CDC14A: variants seen among roughly 807,000 people sequenced by gnomAD.
CDC14A encodes the protein cell division cycle 14A, also known as dual specificity protein phosphatase CDC14A.
A neutral mutation model predicts 74.4 loss-of-function variants in CDC14A; 53 were observed. The observed-to-expected ratio is 0.71, with a 90% CI of 0.57 to 0.89. The LOEUF (loss-of-function observed/expected upper bound fraction) is 0.89. Ranked by LOEUF, CDC14A falls within the 40% of genes least tolerant of loss-of-function variation. The pLI, the probability that CDC14A is intolerant of heterozygous loss-of-function variation, is 0.00. For synonymous variants in CDC14A, 247 were observed against 258.4 expected, an observed-to-expected ratio of 0.96 and a Z score of 0.43; for missense variants, 646 against 713.7, an observed-to-expected ratio of 0.91 and a Z score of 1.08.
At position 100,413,339 on chromosome 1, in the gene CDC14A, T is replaced by A. The variant is rs188502015; in HGVS notation, c.310-10883T>A. Among the ~76,000 whole-genome samples the A allele has an allele frequency of 6.6e-5, 10 of 152,356 alleles. No homozygotes were observed. The East Asian group carries it at 1.7e-3, about 26-fold the overall frequency. The stretch of plus-strand genomic sequence containing the variant: ...CAAAGAACAGTAGCTTACAAGTTAC[T>A]ATGATTCTAGACCTGAGATTTAGTT... On this transcript the variant is annotated intron_variant, in intron 4 of 15. Coordinates refer to ENST00000336454, the MANE Select transcript of CDC14A (RefSeq NM_003672.4).
At chr1:100,476,098 T>C (rs1300783741) in intron 10 of CDC14A, among the ~76,000 whole-genome samples, 1 of 152,196 alleles carries the variant, frequency 6.6e-6, no homozygotes, top group East Asian at 1.9e-4. Flanking sequence ...TGTTGTCTAC[T>C]AGGATACCCT....
At chr1:100,502,034 A>ATCCTTT (rs1557835393) in intron 15 of CDC14A, among the ~76,000 whole-genome samples, 2 of 152,238 alleles carry the variant, frequency 1.3e-5, no homozygotes, top group Non-Finnish European at 2.9e-5. Context: ...ATAGTAAACT[A>ATCCTTT]AGTATTATTA....
chr1:100,435,731 A>C (rs1003693703), intron 5 of CDC14A, among the ~76,000 whole-genome samples: 1 of 144,474 alleles, frequency 6.9e-6, no homozygotes, highest in Admixed American at 7.0e-5. Context: ...CGGGAGGGTG[A>C]GGCAATCGCT....
At chr1:100,371,382 A>T (rs1432812635) in intron 2 of CDC14A, among the ~76,000 whole-genome samples, 1 of 152,180 alleles carries the variant, frequency 6.6e-6, no homozygotes, top group African/African-American at 2.4e-5. Flanking sequence ...TTCAACTCCT[A>T]AAGGGAATGC....
chr1:100,505,873 G>T (rs553516889), intron 15 of CDC14A, among the ~76,000 whole-genome samples: 1 of 152,140 alleles, frequency 6.6e-6, no homozygotes, highest in Non-Finnish European at 1.5e-5. Context: ...TTGGCTTTGC[G>T]TGAGTCCTCA....
At chr1:100,370,332 G>T (rs1654296416) in intron 2 of CDC14A, among the ~76,000 whole-genome samples, 2 of 151,066 alleles carry the variant, frequency 1.3e-5, no homozygotes, top group South Asian at 4.2e-4. Context: ...TTGTTGCTCA[G>T]GCTAGTCTCA....
chr1:100,372,133 A>G (rs1654564324), intron 2 of CDC14A, among the ~76,000 whole-genome samples: 1 of 152,236 alleles, frequency 6.6e-6, no homozygotes, highest in African/African-American at 2.4e-5. Context: ...TACCTTAACT[A>G]AAAATACTTT....
chr1:100,420,320 G>A (rs1055630216), intron 4 of CDC14A, among the ~76,000 whole-genome samples: 1 of 151,280 alleles, frequency 6.6e-6, no homozygotes, highest in Non-Finnish European at 1.5e-5. Flanking sequence ...TGAATTATCT[G>A]AGTAGAGAAA....
intron 6 of CDC14A, among the ~76,000 whole-genome samples, chr1:100,441,828 G>A (rs991183304): frequency 2.6e-5 from 4 of 152,064 alleles, no homozygotes; most frequent in Non-Finnish European, 5.9e-5. Context: ...GTTCTGGGGT[G>A]GGGCCCAGGA....
At chr1:100,495,081 A>G in intron 12 of CDC14A, 151 bp downstream of exon 12, 1 of 564,632 alleles carries the variant, frequency 1.8e-6, no homozygotes, top group Non-Finnish European at 3.1e-6. Flanking sequence ...TTATTTTATC[A>G]CTGTTGGGAG....
chr1:100,469,948 T>C (rs1254606830), intron 10 of CDC14A, among the ~76,000 whole-genome samples: 2 of 152,172 alleles, frequency 1.3e-5, no homozygotes, highest in Non-Finnish European at 2.9e-5. Flanking sequence ...TTATAGATAC[T>C]TAAGCTGTAT....
intron 3 of CDC14A, among the ~76,000 whole-genome samples, chr1:100,379,750 G>A (rs1195543774): frequency 1.3e-5 from 2 of 152,140 alleles, no homozygotes; most frequent in Non-Finnish European, 1.5e-5. Context: ...TACATGAATC[G>A]TGGCACCAAC....
rs968466957 is a variant in CDC14A, at chr1:100,464,671, G to T, written c.838+1790G>T. Among the ~76,000 whole-genome samples, 11 of 152,152 alleles carry T rather than the reference G, an allele frequency of 7.2e-5. 1 individual carries two copies. The highest frequency in any genetic ancestry group is 1.7e-4 in the African/African-American group (7 of 41,508). On this transcript the variant is annotated intron_variant, in intron 9 of 15. Transcript: ENST00000336454. ...CAAGTAGTTTTATTATTACTACGTC[G>T]TAGAGTTTATCTGTGGATTAGCCAT...
chr1:100,401,872 G>A (rs1305583088), intron 4 of CDC14A, among the ~76,000 whole-genome samples: 1 of 151,872 alleles, frequency 6.6e-6, no homozygotes, highest in Non-Finnish European at 1.5e-5. Context: ...AACCCCGTCT[G>A]TACTAAAAAC....
intron 5 of CDC14A, among the ~76,000 whole-genome samples, chr1:100,439,176 T>C (rs1040904943): frequency 6.6e-6 from 1 of 152,248 alleles, no homozygotes; most frequent in Admixed American, 6.5e-5. Flanking sequence ...CCCACTCCTT[T>C]TGAAGGAGTA....
intron 5 of CDC14A, 149 bp downstream of exon 5, chr1:100,424,450 G>T (rs1021785658): frequency 4.8e-6 from 3 of 628,976 alleles, no homozygotes; most frequent in Admixed American, 2.7e-5. Flanking sequence ...ATTTCATTTC[G>T]TAGAGTTTTA....
At chr1:100,494,787 A>G (rs1188165385) in intron 11 of CDC14A, 31 bp from the exon 12 acceptor site, 4 of 1,301,086 alleles carry the variant, frequency 3.1e-6, no homozygotes, top group Non-Finnish European at 4.5e-6. Flanking sequence ...CCAAATTTTG[A>G]CCTTTCTATG....
At chr1:100,465,633 T>C (rs1164546614) in intron 9 of CDC14A, among the ~76,000 whole-genome samples, 1 of 152,248 alleles carries the variant, frequency 6.6e-6, no homozygotes, top group African/African-American at 2.4e-5. Context: ...GGAATGAATA[T>C]GTCATGCCTC....
At chr1:100,480,726 G>T (rs1206625542) in intron 10 of CDC14A, among the ~76,000 whole-genome samples, 1 of 152,150 alleles carries the variant, frequency 6.6e-6, no homozygotes, top group Non-Finnish European at 1.5e-5. Flanking sequence ...TGGGGGAAAA[G>T]GTATTGTAAG....
Sources: allele counts gnomAD v4.1 joint callset (sites outside exome capture counted in the v4.1 genomes callset), GRCh38; gene constraint gnomAD v4.1.1; transcripts MANE v1.5; gene names NCBI Gene and HGNC (gene_info 2026-07-23, HGNC 2026-07-21).